The following KIAA1217 variants were observed in gnomAD, a reference collection of about 807,000 sequenced individuals.
The protein encoded by KIAA1217 is KIAA1217.
KIAA1217 carries 88 observed loss-of-function variants against 163.9 expected under a neutral mutation model. The observed-to-expected ratio is 0.54, with a 90% CI of 0.45 to 0.64. The LOEUF (loss-of-function observed/expected upper bound fraction) is 0.64, where lower values mean the gene tolerates loss of function less well. Among genes scored for constraint, KIAA1217 ranks in the 30% least tolerant of loss-of-function variants. The pLI is 0.00. For synonymous variants in KIAA1217, 903 were observed against 923.1 expected (o/e 0.98, Z 0.39); for missense variants, 2,372 against 2,475.0 (o/e 0.96, Z 0.88).
chr10:24,177,502 A>G lies in KIAA1217; in HGVS notation c.-170-42124A>G, dbSNP rs1367759957. On this transcript the variant is annotated intron_variant, in intron 2 of 18. Transcript: ENST00000376462. The stretch of plus-strand genomic sequence containing the variant: ...GCACACGCAAGTATCTTTTTCATAT[A>G]ATGACTTCTTTTCCCCTGGATACCC... Among the ~76,000 whole-genome samples the G allele has an allele frequency of 2.0e-5, 3 of 151,144 alleles. No individual in the cohort carries two copies. In the East Asian group the frequency reaches 5.8e-4, roughly 29 times the overall value.
At chr10:24,310,521 T>C (rs959843136) in intron 2 of KIAA1217, among the ~76,000 whole-genome samples, 1 of 152,162 alleles carries the variant, frequency 6.6e-6, no homozygotes, top group Non-Finnish European at 1.5e-5. Flanking sequence ...TTTCTCAGTT[T>C]TCAGGAAACA....
chr10:24,036,830 C>T (rs2131548445), intron 2 of KIAA1217, among the ~76,000 whole-genome samples: 1 of 152,278 alleles, frequency 6.6e-6, no homozygotes, highest in African/African-American at 2.4e-5. Context: ...TCCACTAGGC[C>T]CACCATCAAC....
intron 2 of KIAA1217, among the ~76,000 whole-genome samples, chr10:24,373,816 C>T (rs115545732): frequency 0.011 from 1,678 of 152,314 alleles, 32 homozygotes; most frequent in African/African-American, 0.039. Flanking sequence ...CAGAGGATGC[C>T]TCAGTGCAGG....
At chr10:24,116,474 A>C (rs2131760441) in intron 2 of KIAA1217, among the ~76,000 whole-genome samples, 1 of 152,264 alleles carries the variant, frequency 6.6e-6, no homozygotes, top group Non-Finnish European at 1.5e-5. Context: ...CAGAGACTGC[A>C]TGGCCTGCAA....
intron 2 of KIAA1217, among the ~76,000 whole-genome samples, chr10:24,339,725 T>G (rs1030451503): frequency 5.3e-5 from 8 of 152,202 alleles, no homozygotes; most frequent in Non-Finnish European, 2.9e-5. Flanking sequence ...TTAAGAAAGT[T>G]CTGGGCCAAT....
At chr10:24,398,770 A>G (rs1431291930) in intron 3 of KIAA1217, among the ~76,000 whole-genome samples, 1 of 152,078 alleles carries the variant, frequency 6.6e-6, no homozygotes, top group East Asian at 1.9e-4. Context: ...ACACATGCCC[A>G]CCTGAGGCAT....
chr10:24,290,071 C>T (rs970337379), intron 2 of KIAA1217, among the ~76,000 whole-genome samples: 3 of 152,042 alleles, frequency 2.0e-5, no homozygotes, highest in African/African-American at 7.2e-5. Context: ...TGTGCAGAGG[C>T]TAGGCAAGAG....
At chr10:23,872,127 T>C (rs1214130709) in intron 1 of KIAA1217, among the ~76,000 whole-genome samples, 1 of 152,074 alleles carries the variant, frequency 6.6e-6, no homozygotes, top group African/African-American at 2.4e-5. Flanking sequence ...ATTGCAAGTA[T>C]TTGTGGTCAG....
intron 2 of KIAA1217, among the ~76,000 whole-genome samples, chr10:24,083,805 C>G (rs968033947): frequency 3.3e-5 from 5 of 152,016 alleles, no homozygotes; most frequent in Admixed American, 3.3e-4. Context: ...AGGCTGCCTC[C>G]TAGATTTCTG....
chr10:23,789,867 T>C (rs1282581666), intron 1 of KIAA1217, among the ~76,000 whole-genome samples: 2 of 150,404 alleles, frequency 1.3e-5, no homozygotes, highest in East Asian at 2.0e-4. Context: ...GTGAAAATAG[T>C]TCCCTTCATA....
At chr10:24,062,132 G>T (rs544712669) in intron 2 of KIAA1217, among the ~76,000 whole-genome samples, 1 of 151,656 alleles carries the variant, frequency 6.6e-6, no homozygotes, top group African/African-American at 2.4e-5. Context: ...TTTAGTTAAT[G>T]TATTCTTTTT....
chr10:24,335,152 G>A (rs995481408), intron 2 of KIAA1217, among the ~76,000 whole-genome samples: 3 of 152,170 alleles, frequency 2.0e-5, no homozygotes, highest in Non-Finnish European at 4.4e-5. Context: ...AAGCCAGCCA[G>A]AGGACCACCT....
intron 1 of KIAA1217, among the ~76,000 whole-genome samples, chr10:23,898,899 T>A (rs1351817135): frequency 1.3e-5 from 2 of 152,120 alleles, no homozygotes; most frequent in Admixed American, 6.6e-5. Context: ...TGTTATATCA[T>A]GTCAGAATTT....
At chr10:24,328,924 G>A (rs1018743489) in intron 2 of KIAA1217, among the ~76,000 whole-genome samples, 2 of 151,658 alleles carry the variant, frequency 1.3e-5, no homozygotes, top group Non-Finnish European at 2.9e-5. Context: ...ACTTTATAGG[G>A]TTCGCCAGTA....
intron 1 of KIAA1217, among the ~76,000 whole-genome samples, chr10:24,005,048 T>C (rs1846930681): frequency 6.6e-6 from 1 of 152,186 alleles, no homozygotes; most frequent in African/African-American, 2.4e-5. Context: ...TTGTGAACTA[T>C]TACACGCACA....
At chr10:23,890,139 A>G (rs1342349544) in intron 1 of KIAA1217, among the ~76,000 whole-genome samples, 1 of 151,662 alleles carries the variant, frequency 6.6e-6, no homozygotes, top group Non-Finnish European at 1.5e-5. Flanking sequence ...ATTCTTTTCT[A>G]TTTCCGTAAT....
At chr10:24,437,711 A>G (rs2060157385) in intron 4 of KIAA1217, among the ~76,000 whole-genome samples, 1 of 152,226 alleles carries the variant, frequency 6.6e-6, no homozygotes, top group African/African-American at 2.4e-5. Flanking sequence ...CCGGGTTCAG[A>G]GAAAAAAGAA....
At chr10:23,707,739 T>A (rs536306606) in intron 1 of KIAA1217, among the ~76,000 whole-genome samples, 45 of 151,814 alleles carry the variant, frequency 3.0e-4, no homozygotes, top group African/African-American at 9.6e-4. Context: ...AAAATAAAAA[T>A]TTTTTTAAAG....
intron 1 of KIAA1217, among the ~76,000 whole-genome samples, chr10:23,882,940 A>G (rs1841013715): frequency 3.9e-5 from 6 of 152,072 alleles, no homozygotes; most frequent in Admixed American, 3.3e-4. Flanking sequence ...CAGAGCAACT[A>G]TTCATTCTGG....
Sources: gnomAD v4.1 joint callset for allele counts (sites outside exome capture counted in the v4.1 genomes callset) on GRCh38, gnomAD v4.1.1 for gene constraint, MANE v1.5 for transcripts, NCBI Gene and HGNC (gene_info 2026-07-23, HGNC 2026-07-21) for gene names.